HP1BP3: variants seen among roughly 807,000 people sequenced by gnomAD.
HP1BP3 encodes heterochromatin protein 1-binding protein 3.
In HP1BP3, 12 loss-of-function variants were observed where a neutral mutation model predicts 62.5. That is an observed-to-expected ratio of 0.19 (90% CI 0.12 to 0.31). The LOEUF (loss-of-function observed/expected upper bound fraction) is 0.31, where lower values mean the gene tolerates loss of function less well. Ranked by LOEUF, HP1BP3 falls within the 10% of genes least tolerant of loss-of-function variation. The probability of loss-of-function intolerance (pLI) is 1.00; values close to 1 mark genes in which losing one functional copy is unlikely to be tolerated. For missense variants in HP1BP3, 502 were observed against 651.8 expected, an observed-to-expected ratio of 0.77 and a Z score of 2.50; for synonymous variants, 260 against 237.8, an observed-to-expected ratio of 1.09 and a Z score of -0.86.
intron 9 of HP1BP3, among the ~76,000 whole-genome samples, chr1:20,753,782 A>C (rs1411145074): frequency 6.6e-6 from 1 of 152,212 alleles, no homozygotes; most frequent in Non-Finnish European, 1.5e-5. Flanking sequence ...AATCATCTCA[A>C]CAGACACTGA....
intron 11 of HP1BP3, among the ~76,000 whole-genome samples, chr1:20,746,512 G>A (rs559952280): frequency 4.6e-5 from 7 of 152,218 alleles, no homozygotes; most frequent in African/African-American, 1.7e-4. Flanking sequence ...CTAAAACAGG[G>A]TCTTAGTGGT....
intron 8 of HP1BP3, among the ~76,000 whole-genome samples, chr1:20,758,565 C>G (rs2154540186): frequency 6.6e-6 from 1 of 151,976 alleles, no homozygotes; most frequent in East Asian, 1.9e-4. Flanking sequence ...CAAGGATGGT[C>G]TTGATCTTCC....
intron 4 of HP1BP3, chr1:20,775,976 A>G (rs1341588383): frequency 3.3e-6 from 5 of 1,516,628 alleles, no homozygotes; most frequent in Admixed American, 2.2e-5. Context: ...ACCAATTATG[A>G]AAAGAGTGGA....
intron 9 of HP1BP3, among the ~76,000 whole-genome samples, chr1:20,754,031 A>T (rs920249937): frequency 6.6e-6 from 1 of 152,196 alleles, no homozygotes; most frequent in Non-Finnish European, 1.5e-5. Flanking sequence ...CAATCAGAAG[A>T]AGTAAAAGAC....
At chr1:20,767,229 T>C (rs992417129) in intron 7 of HP1BP3, among the ~76,000 whole-genome samples, 12 of 152,102 alleles carry the variant, frequency 7.9e-5, no homozygotes, top group East Asian at 1.9e-4. Context: ...GGCAGGAGAA[T>C]TGCTTGAATC....
chr1:20,743,563 A>T lies in HP1BP3; in HGVS notation c.*1234T>A, dbSNP rs1246620244. On this transcript the variant is annotated 3_prime_UTR_variant, in exon 13 of 13. Coordinates refer to ENST00000438032, the MANE Select transcript of HP1BP3 (RefSeq NM_001372052.1). ...CTGTAGGACCCAACTCAGGAGGCTG[A>T]GGTGGGAGAATCGCTTGAACCTGGG... 6.6e-6 allele frequency: 1 copy of T among 152,128 alleles called. No homozygotes were observed. The highest frequency in any genetic ancestry group is 1.5e-5 in the Non-Finnish European group (1 of 68,100). The allele number at this position is 152,128 out of a possible 1,614,324, so 9.4% of individuals were successfully genotyped here.
chr1:20,748,758 C>T (rs965899941), intron 10 of HP1BP3, among the ~76,000 whole-genome samples: 9 of 150,722 alleles, frequency 6.0e-5, no homozygotes, highest in African/African-American at 1.7e-4. Flanking sequence ...AGCGAGACTC[C>T]GTCTAAAAAA....
intron 3 of HP1BP3, among the ~76,000 whole-genome samples, chr1:20,778,715 G>GA (rs1422845080): frequency 6.6e-6 from 1 of 151,870 alleles, no homozygotes; most frequent in Non-Finnish European, 1.5e-5. Context: ...GGCTCAGCCA[G>GA]AAAAGAGTAT....
chr1:20,763,602 CAT>C (rs1420430761), intron 8 of HP1BP3, among the ~76,000 whole-genome samples: 1 of 152,178 alleles, frequency 6.6e-6, no homozygotes. Context: ...CTGGATTAAA[CAT>C]AATTTTCTAG....
chr1:20,764,512 T>G (rs892903210), intron 8 of HP1BP3, among the ~76,000 whole-genome samples: 25 of 147,852 alleles, frequency 1.7e-4, no homozygotes, highest in Non-Finnish European at 3.0e-4. Flanking sequence ...GCCAGCCTAG[T>G]TTTTTTTTTG....
At position 20,743,961 on chromosome 1, in the gene HP1BP3, C is replaced by G. The variant is rs908148576; in HGVS notation, c.*836G>C. The G allele has an allele frequency of 6.6e-6, 1 of 152,032 alleles. No homozygotes were observed. The allele number at this position is 152,032 out of a possible 1,614,324, so 9.4% of individuals were successfully genotyped here. A position where few individuals can be genotyped will look rare whatever the true frequency, so the allele number is the denominator to read the frequency against. The stretch of plus-strand genomic sequence containing the variant: ...GTACACACCTGTAATCCCAGCTACT[C>G]GGGAGGCTGAAGCAGGAGAATTGCT... On this transcript the variant is annotated 3_prime_UTR_variant, in exon 13 of 13. Transcript: ENST00000438032.
intron 11 of HP1BP3, 32 bp downstream of exon 11, chr1:20,747,512 T>C: frequency 3.1e-6 from 4 of 1,295,302 alleles, no homozygotes; most frequent in Non-Finnish European, 4.4e-6. Context: ...GACTATAAAT[T>C]TACAGTGATC....
rs778659388 is a variant in HP1BP3, at chr1:20,745,667, A to G, written c.1254-11T>C. ...AACAGAACTCCTGGGCTATACGGGG[A>G]AAAATTAGATTAAAACACAAGTCCC... On this transcript the variant is annotated splice_polypyrimidine_tract_variant and intron_variant, in intron 11 of 12. Transcript: ENST00000438032. The G allele has an allele frequency of 1.8e-5, 29 of 1,612,414 alleles. No homozygotes were observed. Among genetic ancestry groups the G allele is most frequent in the Non-Finnish European group, 2.4e-5 (28 of 1,179,262 alleles).
rs1331891320 is a variant in HP1BP3 at position 20,771,038 on chromosome 1, A to G, written c.546T>C (p.Ala182=). Residue 182 remains alanine (A), a synonymous_variant, in exon 6 of 13, where the codon GCT becomes GCC. Coordinates refer to ENST00000438032, the MANE Select transcript of HP1BP3 (RefSeq NM_001372052.1). ...ACTTATGGATGATGTATTTTCGAAT[A>G]GCAACCACTGATGCACCACTCTTCT... ...CFQKSGASVV[A]IRKYIIHKYP... is the part of the protein sequence containing the mutation. 1 of 1,610,384 alleles carries G rather than the reference A, an allele frequency of 6.2e-7. No individual in the cohort carries two copies. The highest frequency in any genetic ancestry group is 8.5e-7 in the Non-Finnish European group (1 of 1,178,776).
chr1:20,759,879 G>GTTTTTT (rs2056358799), intron 8 of HP1BP3, among the ~76,000 whole-genome samples: 1 of 100,948 alleles, frequency 9.9e-6, no homozygotes, highest in African/African-American at 3.8e-5. Context: ...TTTAAAGACC[G>GTTTTTT]ATTTTTTTTT....
chr1:20,774,842 G>C (rs2057229528), intron 4 of HP1BP3: 1 of 152,086 alleles, frequency 6.6e-6, no homozygotes, highest in African/African-American at 2.4e-5. Context: ...AAATTAGCTA[G>C]GTGTGGAGGT....
chr1:20,771,082 GATTT>G lies in HP1BP3; in HGVS notation c.511-13_511-10del, dbSNP rs777965764. Reference sequence around the variant, plus strand: ...CTCTTCTGGAAGCATGCCTAGAAAAGATTTATTAAACTAGTTGTTTTTTTTTATT... The same window carrying G: ...CTCTTCTGGAAGCATGCCTAGAAAAGATTAAACTAGTTGTTTTTTTTTATT... On this transcript the variant is annotated splice_polypyrimidine_tract_variant and intron_variant, in intron 5 of 12. Coordinates refer to ENST00000438032, the MANE Select transcript of HP1BP3 (RefSeq NM_001372052.1). 24 of 1,585,974 alleles carry G rather than the reference GATTT, an allele frequency of 1.5e-5. No individual in the cohort carries two copies. The highest frequency in any genetic ancestry group is 7.6e-5 in the Admixed American group (4 of 52,750).
chr1:20,770,982 T>C lies in HP1BP3; in HGVS notation c.602A>G (p.Tyr201Cys). The C allele has an allele frequency of 6.2e-7, 1 of 1,610,552 alleles. No homozygotes were observed. Among genetic ancestry groups the C allele is most frequent in the Non-Finnish European group, 8.5e-7 (1 of 1,177,938 alleles). The change falls in exon 6 of 13, where the codon TAT becomes TGT. Residue 201 changes from tyrosine (Y) to cysteine (C), a missense_variant. Tyr to Cys is a radical substitution (Grantham distance 194). Transcript: ENST00000438032. ...YPSLELERRG[Y>C]LLKQALKREL... Reference sequence around the variant, plus strand: ...TCTTTTCAGTGCTTGTTTAAGGAGATAACCCCTTCTCTCCAGCTCCAGAGA... The same window carrying C: ...TCTTTTCAGTGCTTGTTTAAGGAGACAACCCCTTCTCTCCAGCTCCAGAGA...
chr1:20,781,846 G>A (rs932329022), intron 1 of HP1BP3, among the ~76,000 whole-genome samples: 20 of 152,114 alleles, frequency 1.3e-4, no homozygotes, highest in African/African-American at 4.6e-4. Flanking sequence ...GGCTGGTCTC[G>A]AGCTCCTGAT....
Sources: gnomAD v4.1 joint callset for allele counts (sites outside exome capture counted in the v4.1 genomes callset) on GRCh38, gnomAD v4.1.1 for gene constraint, MANE v1.5 for transcripts, NCBI Gene and HGNC (gene_info 2026-07-23, HGNC 2026-07-21) for gene names.